Variants in TRIO observed in about 807,000 individuals in gnomAD.
TRIO encodes the protein trio Rho guanine nucleotide exchange factor, also known as triple functional domain protein.
TRIO carries 58 observed loss-of-function variants against 351.9 expected under a neutral mutation model. That is an observed-to-expected ratio of 0.16 (90% CI 0.13 to 0.21). TRIO has a LOEUF of 0.21. Among genes scored for constraint, TRIO ranks in the 10% least tolerant of loss-of-function variants. The pLI, the probability that TRIO is intolerant of heterozygous loss-of-function variation, is 1.00. For missense variants in TRIO, 3,201 were observed against 4,027.8 expected (o/e 0.79, Z 5.56); for synonymous variants, 1,758 against 1,595.7 (o/e 1.10, Z -2.42).
chr5:14,448,574 C>T (rs1323962835), intron 34 of TRIO, among the ~76,000 whole-genome samples: 1 of 152,220 alleles, frequency 6.6e-6, no homozygotes, highest in African/African-American at 2.4e-5. Context: ...CACTCCCTGG[C>T]TGGAGAACTT....
rs894060023 is a variant in TRIO at position 14,488,309 on chromosome 5, C to T, written c.7632+49C>T. 27 of 1,515,322 alleles carry T rather than the reference C, an allele frequency of 1.8e-5. No homozygotes were observed. The African/African-American group carries it at 2.5e-4, about 14-fold the overall frequency. The allele number at this position is 1,515,322 out of a possible 1,614,324, so 93.9% of individuals were successfully genotyped here. The stretch of plus-strand genomic sequence containing the variant: ...CCCTCCCGCCCCCCTGCCTCTGTCC[C>T]GCCAGCTCTAAACGCCACCGCGGCT... On this transcript the variant is annotated intron_variant, in intron 48 of 56. Coordinates refer to ENST00000344204, the MANE Select transcript of TRIO (RefSeq NM_007118.4).
Position 14,364,766 on chromosome 5 carries a change from C to T in TRIO, c.2704C>T (p.His902Tyr). The T allele has an allele frequency of 6.2e-7, 1 of 1,612,338 alleles. No homozygotes were observed. The highest frequency in any genetic ancestry group is 8.5e-7 in the Non-Finnish European group (1 of 1,179,982). Residue 902 changes from histidine (H) to tyrosine (Y), a missense_variant, in exon 15 of 57, where the codon CAC becomes TAC. Physicochemically the swap from His to Tyr is moderately conservative, Grantham distance 83 (BLOSUM62 2). This residue lies in a region of TRIO where 363 missense variants were observed against 553.5 expected (regional missense o/e 0.66). Coordinates refer to ENST00000344204, the MANE Select transcript of TRIO (RefSeq NM_007118.4). ...TTTAGCCGCAGAGCAGCATCGGAAA[C>T]ACCTGGAGCAGTGCGTGCAGCTGCG... ...LDLAAEQHRK[H>Y]LEQCVQLRHL...
intron 1 of TRIO, among the ~76,000 whole-genome samples, chr5:14,206,268 C>T (rs1791451545): frequency 6.6e-6 from 1 of 152,068 alleles, no homozygotes; most frequent in Admixed American, 6.6e-5. Flanking sequence ...ACTGTGTTGC[C>T]CTGGCTGGTC....
chr5:14,182,856 G>A (rs1031698626), intron 1 of TRIO, among the ~76,000 whole-genome samples: 2 of 82,498 alleles, frequency 2.4e-5, no homozygotes, highest in African/African-American at 3.7e-5. Flanking sequence ...ACCAAATACA[G>A]TGGAGACCCC....
intron 1 of TRIO, among the ~76,000 whole-genome samples, chr5:14,228,787 C>A (rs941352708): frequency 7.9e-5 from 12 of 152,112 alleles, no homozygotes; most frequent in South Asian, 2.1e-4. Context: ...AGGAGAATCG[C>A]TTGAACCCGA....
chr5:14,398,809 A>G lies in TRIO; in HGVS notation c.4424-71A>G. 3.5e-6 allele frequency: 5 copies of G among 1,439,132 alleles called. No homozygotes were observed. The South Asian group carries it at 5.3e-5, about 15-fold the overall frequency. 89.1% of individuals were successfully genotyped at this position (1,439,132 alleles called of 1,614,324 possible). Reference sequence around the variant, plus strand: ...ATTTTTAAAATTGTTGAAAATACTAATAATGCTTTCTTGTGCATCAGTTTT... The same window carrying G: ...ATTTTTAAAATTGTTGAAAATACTAGTAATGCTTTCTTGTGCATCAGTTTT... On this transcript the variant is annotated intron_variant, in intron 29 of 56. Transcript: ENST00000344204.
intron 14 of TRIO, 78 bp downstream of exon 14, chr5:14,364,005 G>A (rs116534163): frequency 2.5e-4 from 361 of 1,440,244 alleles, no homozygotes; most frequent in Non-Finnish European, 3.3e-4. Flanking sequence ...TCAGTGGGAT[G>A]ACTGCAAATT....
intron 11 of TRIO, among the ~76,000 whole-genome samples, chr5:14,350,436 TC>T (rs765544354): frequency 1.5e-4 from 23 of 152,308 alleles, no homozygotes; most frequent in Non-Finnish European, 2.8e-4. Context: ...GTCAAATTCT[TC>T]TTTTAGACTT....
In TRIO at chr5:14,497,776, C is replaced by T; in HGVS notation, c.8020-71C>T. 6.3e-7 allele frequency: 1 copy of T among 1,582,206 alleles called. No homozygotes were observed. ...GCAAATCTTTCAACAATAATTGTAG[C>T]CCTGGAATGAAAGGAATACACCTTA... is the stretch of plus-strand genomic sequence containing the variant. On this transcript the variant is annotated intron_variant, in intron 50 of 56. Transcript: ENST00000344204. This position sits in a 1 kb window ranked among gnomAD's most constrained non-coding sequence, Gnocchi z 4.4.
chr5:14,277,220 A>G (rs2152274259), intron 2 of TRIO, among the ~76,000 whole-genome samples: 1 of 152,332 alleles, frequency 6.6e-6, no homozygotes. Flanking sequence ...TGTAAATTGT[A>G]CCATTTCCTA....
At chr5:14,279,674 T>C (rs1735823847) in intron 2 of TRIO, among the ~76,000 whole-genome samples, 1 of 152,240 alleles carries the variant, frequency 6.6e-6, no homozygotes, top group African/African-American at 2.4e-5. Context: ...AGTCACATAC[T>C]CTGAGATTTG....
intron 54 of TRIO, 52 bp from the exon 55 acceptor site, chr5:14,504,341 G>A (rs1232358794): frequency 9.4e-6 from 15 of 1,595,292 alleles, no homozygotes; most frequent in African/African-American, 4.0e-5. Flanking sequence ...AGTCTTTCTC[G>A]GTGCCAGACC....
chr5:14,356,541 A>G (rs1204269365), intron 11 of TRIO, among the ~76,000 whole-genome samples: 1 of 152,220 alleles, frequency 6.6e-6, no homozygotes, highest in Non-Finnish European at 1.5e-5. Context: ...GGTAAAAATG[A>G]TACACCACTT....
At chr5:14,166,116 T>A (rs1309231850) in intron 1 of TRIO, among the ~76,000 whole-genome samples, 2 of 152,214 alleles carry the variant, frequency 1.3e-5, no homozygotes, top group Non-Finnish European at 1.5e-5. Context: ...GTCTGATTTG[T>A]GGGGCAGGAA....
At chr5:14,256,601 G>T (rs968969716) in intron 1 of TRIO, among the ~76,000 whole-genome samples, 1 of 152,092 alleles carries the variant, frequency 6.6e-6, no homozygotes, top group Admixed American at 6.5e-5. Flanking sequence ...CCAAGTCTGG[G>T]GACTATTTTG....
chr5:14,217,894 C>G (rs1792323137), intron 1 of TRIO, among the ~76,000 whole-genome samples: 1 of 152,136 alleles, frequency 6.6e-6, no homozygotes, highest in African/African-American at 2.4e-5. Context: ...ACCGTATTGC[C>G]AGTACTAATC....
intron 1 of TRIO, among the ~76,000 whole-genome samples, chr5:14,230,738 T>G (rs1474136279): frequency 1.3e-5 from 2 of 152,244 alleles, no homozygotes; most frequent in Admixed American, 6.5e-5. Flanking sequence ...GTAAATTTTC[T>G]CATCTTGCTG....
chr5:14,322,326 TTTGA>T (rs1739962243), intron 9 of TRIO, among the ~76,000 whole-genome samples: 1 of 152,176 alleles, frequency 6.6e-6, no homozygotes, highest in Non-Finnish European at 1.5e-5. Context: ...GAATGGAATC[TTTGA>T]TTGATGTTGG....
chr5:14,237,975 T>C (rs1793881486), intron 1 of TRIO, among the ~76,000 whole-genome samples: 1 of 152,222 alleles, frequency 6.6e-6, no homozygotes, highest in South Asian at 2.1e-4. Context: ...AGAATGTTAT[T>C]CTGAGCAGCT....
Sources: allele counts gnomAD v4.1 joint callset (sites outside exome capture counted in the v4.1 genomes callset), GRCh38; gene constraint gnomAD v4.1.1; regional missense constraint gnomAD v4.1.1; non-coding constraint Gnocchi (gnomAD v3.1); transcripts MANE v1.5; gene names NCBI Gene and HGNC (gene_info 2026-07-23, HGNC 2026-07-21).